ABCA13: variants seen among roughly 807,000 people sequenced by gnomAD.
ABCA13 encodes the protein ATP binding cassette subfamily A member 13.
ABCA13 carries 476 observed loss-of-function variants against 478.7 expected under a neutral mutation model. That is an observed-to-expected ratio of 0.99 (90% CI 0.92 to 1.07). ABCA13 has a LOEUF of 1.07. ABCA13 is among the 50% of genes least tolerant of loss of function. The probability of loss-of-function intolerance (pLI) is 0.00; values close to 1 mark genes in which losing one functional copy is unlikely to be tolerated. For synonymous variants in ABCA13, 2,252 were observed against 2,158.9 expected (o/e 1.04, Z -1.20); for missense variants, 6,060 against 5,910.6 (o/e 1.03, Z -0.83).
At chr7:48,200,051 C>T (rs778550220) in intron 3 of ABCA13, among the ~76,000 whole-genome samples, 36 of 152,338 alleles carry the variant, frequency 2.4e-4, no homozygotes, top group Middle Eastern at 3.4e-3. Flanking sequence ...CTTATTACTA[C>T]GGCTGTAACA....
At chr7:48,645,286 T>C in intron 61 of ABCA13, 131 bp from the exon 62 acceptor site, 2 of 622,318 alleles carry the variant, frequency 3.2e-6, no homozygotes, top group East Asian at 2.8e-5. Flanking sequence ...TGGGAGGGAA[T>C]GGTATGAATT....
At chr7:48,255,537 C>G (rs1487619111) in intron 15 of ABCA13, among the ~76,000 whole-genome samples, 1 of 152,082 alleles carries the variant, frequency 6.6e-6, no homozygotes, top group African/African-American at 2.4e-5. Context: ...TTAGTTCCCA[C>G]TTATAAATGG....
chr7:48,277,318 A>C (rs1175180533), intron 17 of ABCA13, among the ~76,000 whole-genome samples: 1 of 152,188 alleles, frequency 6.6e-6, no homozygotes, highest in Non-Finnish European at 1.5e-5. Context: ...AAGGAAGACC[A>C]GGGGAAGGGA....
intron 56 of ABCA13, among the ~76,000 whole-genome samples, chr7:48,581,126 G>A (rs1052511347): frequency 6.6e-6 from 1 of 152,072 alleles, no homozygotes; most frequent in Non-Finnish European, 1.5e-5. Context: ...TCTGGGGTGC[G>A]TGCTCCTCAG....
intron 19 of ABCA13, among the ~76,000 whole-genome samples, chr7:48,285,827 T>C (rs1324081261): frequency 6.6e-6 from 1 of 152,214 alleles, no homozygotes; most frequent in Non-Finnish European, 1.5e-5. Context: ...ATTACCTTCA[T>C]TTCAAATTTT....
chr7:48,519,982 ATATT>A, intron 52 of ABCA13, 55 bp from the exon 53 acceptor site: 1 of 1,491,550 alleles, frequency 6.7e-7, no homozygotes, highest in Middle Eastern at 2.1e-4. Flanking sequence ...TTATTGGTAT[ATATT>A]ATGAAAAGGG....
intron 59 of ABCA13, among the ~76,000 whole-genome samples, chr7:48,629,063 T>C (rs1793928159): frequency 6.6e-6 from 1 of 152,226 alleles, no homozygotes. Flanking sequence ...ATGACTAGTT[T>C]GCTGCTTTTC....
chr7:48,276,615 A>G, intron 17 of ABCA13, 50 bp downstream of exon 17: 1 of 1,463,896 alleles, frequency 6.8e-7, no homozygotes, highest in Non-Finnish European at 9.5e-7. Context: ...ATATATCTCA[A>G]ACTACTTTAT....
intron 27 of ABCA13, among the ~76,000 whole-genome samples, chr7:48,326,461 T>C (rs776834854): frequency 2.0e-4 from 30 of 152,216 alleles, no homozygotes; most frequent in Non-Finnish European, 3.4e-4. Flanking sequence ...TAAGTTTTAA[T>C]TTATCAAACA....
At position 48,272,752 on chromosome 7, in the gene ABCA13, A is replaced by G; in HGVS notation, c.3086A>G (p.Tyr1029Cys). 4 of 1,608,668 alleles carry G rather than the reference A, an allele frequency of 2.5e-6. No individual in the cohort carries two copies. Among genetic ancestry groups the G allele is most frequent in the Non-Finnish European group, 3.4e-6 (4 of 1,176,732 alleles). Residue 1029 changes from tyrosine to cysteine, a missense_variant, in exon 17 of 62, where the codon TAC (tyrosine) becomes TGC (cysteine). Tyr to Cys is a radical substitution (Grantham distance 194, BLOSUM62 -2). Transcript: ENST00000435803. ...CTTGGGGGAATTTCTAATGTATCTT[A>G]CTGTCAGCAATTGCTTTCAATTTTT... The part of the protein sequence containing the change: ...EVLGGISNVS[Y>C]CQQLLSIFNF...
intron 59 of ABCA13, among the ~76,000 whole-genome samples, chr7:48,637,171 T>C (rs1033152710): frequency 3.3e-5 from 5 of 151,894 alleles, no homozygotes; most frequent in African/African-American, 1.2e-4. Context: ...CCCTTCCTTA[T>C]GTAAACACTT....
At chr7:48,378,921 A>T (rs1222772448) in intron 35 of ABCA13, among the ~76,000 whole-genome samples, 2 of 152,234 alleles carry the variant, frequency 1.3e-5, no homozygotes, top group African/African-American at 4.8e-5. Context: ...TAGGACCTCA[A>T]TCCACCTTTG....
chr7:48,573,999 C>G (rs754918481), intron 55 of ABCA13, among the ~76,000 whole-genome samples: 23 of 151,838 alleles, frequency 1.5e-4, no homozygotes, highest in Non-Finnish European at 2.9e-4. Context: ...TCAGTCATAC[C>G]AGATTAAAGC....
Position 48,250,020 on chromosome 7 carries a change from G to T in ABCA13, c.2005+669G>T, listed in dbSNP as rs79024820. 0.017 allele frequency among the ~76,000 whole-genome samples: 2,503 copies of T among 150,102 alleles called. 94 individuals are homozygous for T. The East Asian group carries it at 0.17, about 10-fold the overall frequency. On this transcript the variant is annotated intron_variant, in intron 15 of 61. Transcript: ENST00000435803. ...CTTCCCTTCTCACTTCTGATCAATT[G>T]GGTATAAATCAGGATTCCCATGAAC...
rs147934761 is a variant in ABCA13 at position 48,305,995 on chromosome 7, T to C, written c.9322-3952T>C. Among the ~76,000 whole-genome samples, 156 of 152,344 alleles carry C rather than the reference T, an allele frequency of 1.0e-3. 1 individual carries two copies. The highest frequency in any genetic ancestry group is 3.5e-3 in the African/African-American group (146 of 41,576). The stretch of plus-strand genomic sequence containing the variant: ...TACTTTGAATAGAAATCACACAAGA[T>C]ATTTCCAATCAAGCACAACTCAGTG... On this transcript the variant is annotated intron_variant, in intron 23 of 61. Transcript: ENST00000435803.
At chr7:48,553,357 G>T (rs537523308) in intron 55 of ABCA13, among the ~76,000 whole-genome samples, 1 of 152,078 alleles carries the variant, frequency 6.6e-6, no homozygotes, top group South Asian at 2.1e-4. Context: ...TCCTTTGGTA[G>T]CTCTATTTTT....
At chr7:48,423,414 A>C (rs757026318) in intron 41 of ABCA13, among the ~76,000 whole-genome samples, 1 of 152,172 alleles carries the variant, frequency 6.6e-6, no homozygotes, top group Non-Finnish European at 1.5e-5. Context: ...TCTAAGCAAA[A>C]AAGTACCTTG....
chr7:48,275,656 T>C lies in ABCA13; in HGVS notation c.5990T>C (p.Ile1997Thr), dbSNP rs375050467. 5 of 1,600,664 alleles carry C rather than the reference T, an allele frequency of 3.1e-6. No homozygotes were observed. Among genetic ancestry groups the C allele is most frequent in the Non-Finnish European group, 4.3e-6 (5 of 1,172,700 alleles). ...NEDTETSVQNIISSNLERTVQ... is the reference protein window; with the variant it reads ...NEDTETSVQNTISSNLERTVQ... ...GACACAGAGACATCTGTTCAAAATA[T>C]TATTTCCTCAAATTTGGAAAGGACA... Residue 1997 changes from isoleucine to threonine, a missense_variant, in exon 17 of 62, where the codon ATT (isoleucine) becomes ACT (threonine). This residue lies in a region of ABCA13 where 4,423 missense variants were observed against 4,309.1 expected (regional missense o/e 1.03). Transcript: ENST00000435803.
intron 41 of ABCA13, among the ~76,000 whole-genome samples, chr7:48,414,628 G>A (rs553292942): frequency 6.7e-6 from 1 of 149,956 alleles, no homozygotes; most frequent in East Asian, 1.9e-4. Context: ...ATAATACATA[G>A]ATATTTAATA....
Sources: allele counts gnomAD v4.1 joint callset (sites outside exome capture counted in the v4.1 genomes callset), GRCh38; gene constraint gnomAD v4.1.1; regional missense constraint gnomAD v4.1.1; transcripts MANE v1.5; gene names NCBI Gene and HGNC (gene_info 2026-07-23, HGNC 2026-07-21).